CDH18: variants seen among roughly 807,000 people sequenced by gnomAD.
CDH18 encodes cadherin-18.
Under a neutral mutation model 67.9 loss-of-function variants are expected in CDH18, and 31 were observed. That is an observed-to-expected ratio of 0.46 (90% confidence interval 0.34 to 0.62). CDH18 has a LOEUF of 0.62. Among genes scored for constraint, CDH18 ranks in the 20% least tolerant of loss-of-function variants. The pLI is 0.01. For missense variants in CDH18, 890 were observed against 975.5 expected, an observed-to-expected ratio of 0.91 and a Z score of 1.17; for synonymous variants, 362 against 347.2, an observed-to-expected ratio of 1.04 and a Z score of -0.48.
intron 3 of CDH18, among the ~76,000 whole-genome samples, chr5:19,803,052 C>T (rs896107356): frequency 3.3e-5 from 5 of 152,176 alleles, no homozygotes; most frequent in East Asian, 1.9e-4. Context: ...GTCACTTTTA[C>T]GCTTAAATTA....
At chr5:20,387,343 T>A (rs755969636) in intron 1 of CDH18, among the ~76,000 whole-genome samples, 11 of 151,982 alleles carry the variant, frequency 7.2e-5, no homozygotes, top group Non-Finnish European at 1.3e-4. Context: ...TGAATGGGAG[T>A]TCACTCATGA....
At chr5:20,491,443 G>A (rs764764507) in intron 1 of CDH18, among the ~76,000 whole-genome samples, 10 of 152,122 alleles carry the variant, frequency 6.6e-5, no homozygotes, top group Non-Finnish European at 1.5e-4. Context: ...TATTTGCATG[G>A]GAATGTGATT....
chr5:20,271,035 C>G (rs1250983175), intron 1 of CDH18, among the ~76,000 whole-genome samples: 6 of 151,964 alleles, frequency 3.9e-5, no homozygotes, highest in Admixed American at 1.3e-4. Flanking sequence ...TAAATGGGTA[C>G]TAGACTTAAT....
In CDH18 at chr5:19,570,528, T is replaced by C. The variant is rs541155107; in HGVS notation, c.1253+1051A>G. Among the ~76,000 whole-genome samples the C allele has an allele frequency of 7.2e-5, 11 of 152,288 alleles. No individual in the cohort carries two copies. The South Asian group carries it at 2.3e-3, about 32-fold the overall frequency. On this transcript the variant is annotated intron_variant, in intron 8 of 12. Coordinates refer to ENST00000382275, the MANE Select transcript of CDH18 (RefSeq NM_004934.5). ...GCTTTTACAAATATCCCACAGATAC[T>C]GAGGAGACTATTTAGTATATTAGCT... is the stretch of plus-strand genomic sequence containing the variant.
At chr5:20,376,767 A>C (rs1743479729) in intron 1 of CDH18, among the ~76,000 whole-genome samples, 1 of 152,102 alleles carries the variant, frequency 6.6e-6, no homozygotes, top group East Asian at 1.9e-4. Flanking sequence ...ATGTAATCCC[A>C]GCACTTTGGG....
At chr5:19,674,794 T>G (rs1165842548) in intron 5 of CDH18, among the ~76,000 whole-genome samples, 1 of 152,116 alleles carries the variant, frequency 6.6e-6, no homozygotes, top group East Asian at 1.9e-4. Context: ...ATTCTTAGCT[T>G]TTTAACACAC....
At chr5:19,576,658 C>G (rs892790668) in intron 7 of CDH18, among the ~76,000 whole-genome samples, 4 of 152,056 alleles carry the variant, frequency 2.6e-5, no homozygotes, top group Admixed American at 2.0e-4. Flanking sequence ...ATTAGTACAG[C>G]CATTTTGGAA....
At chr5:20,193,347 A>G (rs899301868) in intron 2 of CDH18, among the ~76,000 whole-genome samples, 3 of 152,138 alleles carry the variant, frequency 2.0e-5, no homozygotes, top group African/African-American at 4.8e-5. Flanking sequence ...AGAAATGGAC[A>G]TATTCCTGGA....
chr5:19,925,848 A>G (rs548372824), intron 2 of CDH18, among the ~76,000 whole-genome samples: 1 of 152,136 alleles, frequency 6.6e-6, no homozygotes, highest in African/African-American at 2.4e-5. Context: ...ATGTACTATC[A>G]TTTCTTTTAT....
intron 6 of CDH18, among the ~76,000 whole-genome samples, chr5:19,599,611 A>T (rs1241643551): frequency 6.6e-6 from 1 of 152,156 alleles, no homozygotes; most frequent in Non-Finnish European, 1.5e-5. Context: ...GACTAAAAAA[A>T]CACAGAGCCG....
At chr5:19,754,933 A>T (rs1771331433) in intron 3 of CDH18, among the ~76,000 whole-genome samples, 1 of 152,152 alleles carries the variant, frequency 6.6e-6, no homozygotes, top group Non-Finnish European at 1.5e-5. Flanking sequence ...AAACAAAAGG[A>T]TGGAAATTGA....
chr5:19,663,816 T>C (rs1274554612), intron 5 of CDH18, among the ~76,000 whole-genome samples: 1 of 152,030 alleles, frequency 6.6e-6, no homozygotes, highest in Non-Finnish European at 1.5e-5. Context: ...TGTTATATGA[T>C]GGAATTATTT....
At chr5:20,312,989 GC>G (rs1395356016) in intron 1 of CDH18, among the ~76,000 whole-genome samples, 64 of 152,110 alleles carry the variant, frequency 4.2e-4, no homozygotes, top group Admixed American at 4.2e-3. Context: ...AATAGCAGGT[GC>G]TTAAAACAAT....
chr5:20,538,285 A>G (rs1756841904), intron 1 of CDH18, among the ~76,000 whole-genome samples: 1 of 152,172 alleles, frequency 6.6e-6, no homozygotes, highest in African/African-American at 2.4e-5. Context: ...ACTACTCCTA[A>G]TTAAATTGAT....
intron 2 of CDH18, among the ~76,000 whole-genome samples, chr5:20,153,259 T>C (rs1033136363): frequency 1.3e-5 from 2 of 151,942 alleles, no homozygotes; most frequent in Admixed American, 6.6e-5. Flanking sequence ...GAATCAGAGG[T>C]TTCTAAAATC....
chr5:20,410,701 A>T (rs1746694890), intron 1 of CDH18, among the ~76,000 whole-genome samples: 1 of 151,656 alleles, frequency 6.6e-6, no homozygotes, highest in South Asian at 2.1e-4. Flanking sequence ...TTAGAAAAAA[A>T]ATATATAAAA....
chr5:19,903,541 G>GTATATATATATATATATATATATATA lies in CDH18; in HGVS notation c.-256-64300_-256-64299insTATATATATATATATATATATATATA, dbSNP rs112818883. On this transcript the variant is annotated intron_variant, in intron 2 of 12. Transcript: ENST00000382275. ...CAAAATAATGACTCTGTGTGTGTGT[G>GTATATATATATATATATATATATATA]TATATATATATATATATATATATAT... Among the ~76,000 whole-genome samples the GTATATATATATATATATATATATATA allele has an allele frequency of 2.1e-3, 268 of 124,700 alleles. 1 individual carries two copies. Among genetic ancestry groups the GTATATATATATATATATATATATATA allele is most frequent in the Non-Finnish European group, 3.2e-3 (191 of 60,352 alleles). 81.8% of individuals were successfully genotyped at this position (124,700 alleles called of 152,430 possible).
Position 20,177,899 on chromosome 5 carries a change from T to C in CDH18, c.-518+77545A>G, listed in dbSNP as rs867279425. On this transcript the variant is annotated intron_variant, in intron 2 of 14. Coordinates refer to the CDH18 transcript ENST00000507958. ...ACTTGCTCCTCTTTGCCTTCCACCA[T>C]GATTGTGAGGTTTCCCCAGCCACGT... 2.6e-5 allele frequency among the ~76,000 whole-genome samples: 4 copies of C among 152,232 alleles called. No individual in the cohort carries two copies. The South Asian group carries it at 6.2e-4, about 24-fold the overall frequency.
At position 20,300,272 on chromosome 5, in the gene CDH18, A is replaced by C. The variant is rs2149964407; in HGVS notation, c.-579-44767T>G. ...GACAACGCAACAGGATCTGAGCCAA[A>C]CATTTCCACATAGATTAAGTTGTGT... On this transcript the variant is annotated intron_variant, in intron 1 of 14. Coordinates refer to the CDH18 transcript ENST00000507958. Among the ~76,000 whole-genome samples the C allele has an allele frequency of 1.3e-5, 2 of 149,640 alleles. 1 individual carries two copies. Among genetic ancestry groups the C allele is most frequent in the East Asian group, 4.0e-4 (2 of 5,032 alleles).
Sources: gnomAD v4.1 joint callset for allele counts (sites outside exome capture counted in the v4.1 genomes callset) on GRCh38, gnomAD v4.1.1 for gene constraint, MANE v1.5 for transcripts, NCBI Gene and HGNC (gene_info 2026-07-23, HGNC 2026-07-21) for gene names.